Variants in HELZ observed in about 807,000 individuals in gnomAD.
HELZ encodes helicase with zinc finger.
A neutral mutation model predicts 218.2 loss-of-function variants in HELZ; 23 were observed. The ratio of observed to expected loss-of-function variants is 0.11; its 90% confidence interval spans 0.08 to 0.15. HELZ has a LOEUF of 0.15. Among genes scored for constraint, HELZ ranks in the 10% least tolerant of loss-of-function variants. The pLI is 1.00. For missense variants in HELZ, 1,813 were observed against 2,353.7 expected, an observed-to-expected ratio of 0.77 and a Z score of 4.75; for synonymous variants, 814 against 829.4, an observed-to-expected ratio of 0.98 and a Z score of 0.32.
intron 5 of HELZ, chr17:67,215,651 A>G: frequency 2.0e-6 from 1 of 489,176 alleles, no homozygotes. Flanking sequence ...CCGGCCTCAC[A>G]CAAACTTCAA....
At chr17:67,183,548 G>T (rs2039669938) in intron 12 of HELZ, among the ~76,000 whole-genome samples, 2 of 152,152 alleles carry the variant, frequency 1.3e-5, no homozygotes, top group Non-Finnish European at 2.9e-5. Context: ...AACATAGATA[G>T]CTAGACTCAA....
intron 31 of HELZ, among the ~76,000 whole-genome samples, chr17:67,105,075 G>A (rs2037058728): frequency 6.6e-6 from 1 of 152,228 alleles, no homozygotes; most frequent in Non-Finnish European, 1.5e-5. Flanking sequence ...AGAGGTTGCA[G>A]TGAGCCAAGA....
At chr17:67,190,076 C>A (rs2039853845) in intron 10 of HELZ, 81 bp downstream of exon 10, 9 of 1,226,348 alleles carry the variant, frequency 7.3e-6, no homozygotes, top group Admixed American at 1.8e-5. Flanking sequence ...GGAAATAAAC[C>A]AAAATAGAGC....
chr17:67,245,442 T>A, upstream of HELZ: 2 of 979,302 alleles, frequency 2.0e-6, no homozygotes, highest in Non-Finnish European at 2.4e-6. Flanking sequence ...CCGGCCTCCC[T>A]GCCCCCACGC....
At position 67,165,542 on chromosome 17, in the gene HELZ, T is replaced by C. The variant is rs1158618685; in HGVS notation, c.1895+936A>G. Among the ~76,000 whole-genome samples the C allele has an allele frequency of 2.0e-5, 3 of 152,158 alleles. No individual in the cohort carries two copies. The East Asian group carries it at 5.8e-4, about 29-fold the overall frequency. On this transcript the variant is annotated intron_variant, in intron 15 of 32. Transcript: ENST00000358691. ...ACACAGTGATAAATAAACTTCTATTTTGTAGAGCCACTGAGATTAAAAAAG... is the reference window on the plus strand; with the variant it reads ...ACACAGTGATAAATAAACTTCTATTCTGTAGAGCCACTGAGATTAAAAAAG...
At chr17:67,183,316 T>A (rs577703665) in intron 12 of HELZ, among the ~76,000 whole-genome samples, 2 of 152,342 alleles carry the variant, frequency 1.3e-5, no homozygotes, top group African/African-American at 4.8e-5. Context: ...TGAAAGAGGC[T>A]AACAAAAAGT....
chr17:67,082,847 G>C (rs1306921949), intron 32 of HELZ, among the ~76,000 whole-genome samples: 1 of 129,882 alleles, frequency 7.7e-6, no homozygotes, highest in Non-Finnish European at 1.7e-5. Flanking sequence ...AGTTTTAACT[G>C]TTTTTTTTTT....
chr17:67,228,175 A>T (rs762992846), intron 3 of HELZ, among the ~76,000 whole-genome samples: 33 of 152,222 alleles, frequency 2.2e-4, no homozygotes, highest in Non-Finnish European at 3.7e-4. Flanking sequence ...AACATCCGTA[A>T]TTGGTTCTTA....
Position 67,245,130 on chromosome 17 carries a change from G to C in HELZ, c.-132+18C>G. ...CGGAGCGGCCCCAGGAGCAGAGAAG[G>C]GGGAAGTCAGGACTTACCTGTCATT... On this transcript the variant is annotated intron_variant, in intron 1 of 32. Coordinates refer to ENST00000358691, the MANE Select transcript of HELZ (RefSeq NM_014877.4). 2 of 985,074 alleles carry C rather than the reference G, an allele frequency of 2.0e-6. No homozygotes were observed. The highest frequency in any genetic ancestry group is 2.4e-6 in the Non-Finnish European group (2 of 829,824). The allele number at this position is 985,074 out of a possible 1,614,324, so 61.0% of individuals were successfully genotyped here.
rs745308742 is a variant in HELZ at position 67,145,857 on chromosome 17, C to G, written c.2655G>C (p.Leu885=). Residue 885 remains leucine (L), a synonymous_variant, in exon 21 of 33, where the codon CTG becomes CTC. Transcript: ENST00000358691. ...YTSELFYEGK[L]MASGKQPAHK... ...GTGCTGGCTGCTTCCCACTGGCCAT[C>G]AGTTTGCCCTCATAGAAAAGCTCAG... 2 of 1,613,320 alleles carry G rather than the reference C, an allele frequency of 1.2e-6. No individual in the cohort carries two copies. The highest frequency in any genetic ancestry group is 2.2e-5 in the East Asian group (1 of 44,830).
At chr17:67,197,042 T>C (rs1003281920) in intron 7 of HELZ, among the ~76,000 whole-genome samples, 1 of 152,190 alleles carries the variant, frequency 6.6e-6, no homozygotes, top group African/African-American at 2.4e-5. Flanking sequence ...TGTGGGTCTT[T>C]ACTAAGTGAT....
In HELZ at chr17:67,166,487, C is replaced by A; in HGVS notation, c.1886G>T (p.Ser629Ile). ...TATCGCCTTTTTGTACCTGTTAGGA[C>A]TCCATGGTATGGTGGGAGTCATACT... Reference protein sequence around the residue: ...DISMTPTIPWSPNRQWDEQLD... With the variant: ...DISMTPTIPWIPNRQWDEQLD... Residue 629 changes from serine (S) to isoleucine (I), a missense_variant, in exon 15 of 33, where the codon AGT (serine) becomes ATT (isoleucine). Physicochemically the swap from Ser to Ile is moderately radical, Grantham distance 142 (BLOSUM62 -2). Coordinates refer to ENST00000358691, the MANE Select transcript of HELZ (RefSeq NM_014877.4). 1 of 1,612,674 alleles carries A rather than the reference C, an allele frequency of 6.2e-7. No homozygotes were observed. Among genetic ancestry groups the A allele is most frequent in the South Asian group, 1.1e-5 (1 of 90,982 alleles).
chr17:67,152,112 C>T (rs1242464109), intron 17 of HELZ, among the ~76,000 whole-genome samples: 1 of 152,216 alleles, frequency 6.6e-6, no homozygotes, highest in African/African-American at 2.4e-5. Context: ...GGGTGGATAG[C>T]GGTGTGCTGG....
At chr17:67,161,389 G>C (rs1208444585) in intron 15 of HELZ, among the ~76,000 whole-genome samples, 3 of 152,132 alleles carry the variant, frequency 2.0e-5, no homozygotes, top group African/African-American at 7.2e-5. Context: ...AAATGGCAAT[G>C]TTTCAAAAAT....
At chr17:67,080,306 G>C (rs1304285404) in intron 32 of HELZ, among the ~76,000 whole-genome samples, 1 of 152,050 alleles carries the variant, frequency 6.6e-6, no homozygotes, top group African/African-American at 2.4e-5. Flanking sequence ...TAGTCTTCCT[G>C]TTCCACTGAA....
rs780526977 is a variant in HELZ at position 67,086,839 on chromosome 17, T to C, written c.5484A>G (p.Arg1828=). ...CNGSSRTAQP[R]ELIAPPKTVK... The stretch of plus-strand genomic sequence containing the variant: ...CCAACTCTGTCTTACCTATCAACTC[T>C]CTGGGCTGAGCTGTCCTGCTGGATC... Residue 1828 remains arginine, a synonymous_variant, in exon 32 of 33, where the codon AGA becomes AGG. Transcript: ENST00000358691. 1.9e-6 allele frequency: 3 copies of C among 1,613,428 alleles called. No individual in the cohort carries two copies. The highest frequency in any genetic ancestry group is 2.5e-6 in the Non-Finnish European group (3 of 1,179,928).
chr17:67,156,972 G>T (rs2038861433), intron 17 of HELZ, among the ~76,000 whole-genome samples: 2 of 152,268 alleles, frequency 1.3e-5, no homozygotes, highest in South Asian at 4.1e-4. Flanking sequence ...CCATCCCCTT[G>T]ATGATAAGTA....
chr17:67,172,983 G>C (rs1808230224), intron 13 of HELZ: 1 of 828,180 alleles, frequency 1.2e-6, no homozygotes, highest in South Asian at 5.5e-5. Context: ...AATTTAGCAG[G>C]CATGAAAAGT....
At chr17:67,177,536 C>T (rs562151999) in intron 13 of HELZ, among the ~76,000 whole-genome samples, 100 of 151,404 alleles carry the variant, frequency 6.6e-4, no homozygotes, top group Middle Eastern at 3.4e-3. Flanking sequence ...CCAATATTTA[C>T]GATTTATCAT....
Sources: allele counts gnomAD v4.1 joint callset (sites outside exome capture counted in the v4.1 genomes callset), GRCh38; gene constraint gnomAD v4.1.1; transcripts MANE v1.5; gene names NCBI Gene and HGNC (gene_info 2026-07-23, HGNC 2026-07-21).